Variants in RBFOX1 observed in about 807,000 individuals in gnomAD.
RBFOX1 encodes the protein RNA binding fox-1 homolog 1.
Under a neutral mutation model 57.7 loss-of-function variants are expected in RBFOX1, and 8 were observed. The observed-to-expected ratio is 0.14, with a 90% CI of 0.08 to 0.25. The LOEUF (loss-of-function observed/expected upper bound fraction) is 0.25, where lower values mean the gene tolerates loss of function less well. RBFOX1 is among the 10% of genes least tolerant of loss of function. The pLI is 1.00. For missense variants in RBFOX1, 611 were observed against 548.5 expected, an observed-to-expected ratio of 1.11 and a Z score of -1.14; for synonymous variants, 326 against 222.4, an observed-to-expected ratio of 1.47 and a Z score of -4.15.
intron 3 of RBFOX1, among the ~76,000 whole-genome samples, chr16:5,659,009 C>T (rs186482084): frequency 6.6e-6 from 1 of 151,734 alleles, no homozygotes; most frequent in Non-Finnish European, 1.5e-5. Context: ...TTTGCATAAC[C>T]TTGGTAGATA....
At chr16:5,726,932 G>C (rs886851753) in intron 3 of RBFOX1, among the ~76,000 whole-genome samples, 5 of 152,062 alleles carry the variant, frequency 3.3e-5, no homozygotes, top group Non-Finnish European at 7.4e-5. Context: ...GGCCATATGG[G>C]TGGGCACTCT....
chr16:6,957,868 C>T (rs2082195052), intron 3 of RBFOX1, among the ~76,000 whole-genome samples: 1 of 152,148 alleles, frequency 6.6e-6, no homozygotes, highest in African/African-American at 2.4e-5. Context: ...GTGACAGTTG[C>T]AGATTAGTCA....
At chr16:5,324,180 C>A (rs1480777478) in intron 1 of RBFOX1, among the ~76,000 whole-genome samples, 2 of 152,164 alleles carry the variant, frequency 1.3e-5, no homozygotes, top group African/African-American at 4.8e-5. Flanking sequence ...ATAGAGAATT[C>A]TGCTGGGTGC....
intron 2 of RBFOX1, among the ~76,000 whole-genome samples, chr16:6,524,842 G>C (rs2096556921): frequency 6.6e-6 from 1 of 152,098 alleles, no homozygotes; most frequent in African/African-American, 2.4e-5. Flanking sequence ...CTGTGTGTCT[G>C]AGTCTATGTG....
intron 1 of RBFOX1, among the ~76,000 whole-genome samples, chr16:6,302,055 C>T (rs901059284): frequency 6.6e-6 from 1 of 152,106 alleles, no homozygotes; most frequent in Admixed American, 6.6e-5. Flanking sequence ...CATGACAAGA[C>T]CGGAGATGCA....
chr16:6,563,112 C>G lies in RBFOX1; in HGVS notation c.-63-91491C>G, dbSNP rs183074977. Among the ~76,000 whole-genome samples the G allele has an allele frequency of 1.7e-3, 263 of 152,054 alleles. 1 individual carries two copies. The highest frequency in any genetic ancestry group is 5.9e-3 in the African/African-American group (244 of 41,480). On this transcript the variant is annotated intron_variant, in intron 2 of 15. Transcript: ENST00000550418. ...CTTCCAAGTGCTGTTTCCCCAGGCCCAAGTGCAATGCCTGGTGCAAAATGA... is the reference window on the plus strand; with the variant it reads ...CTTCCAAGTGCTGTTTCCCCAGGCCGAAGTGCAATGCCTGGTGCAAAATGA...
chr16:5,352,177 G>A (rs537541224), intron 1 of RBFOX1, among the ~76,000 whole-genome samples: 1 of 152,110 alleles, frequency 6.6e-6, no homozygotes, highest in South Asian at 2.1e-4. Flanking sequence ...TTTATTCAGC[G>A]GATGCTGCTT....
chr16:6,744,579 C>T (rs565446301), intron 3 of RBFOX1, among the ~76,000 whole-genome samples: 3 of 151,914 alleles, frequency 2.0e-5, no homozygotes, highest in Admixed American at 6.6e-5. Flanking sequence ...ATAAGCCACA[C>T]TTTAATAAAT....
chr16:6,365,026 C>G (rs1446396305), intron 2 of RBFOX1, among the ~76,000 whole-genome samples: 1 of 152,104 alleles, frequency 6.6e-6, no homozygotes, highest in Admixed American at 6.5e-5. Flanking sequence ...CTTGTAGCAT[C>G]TCACAGGGAG....
At chr16:7,315,799 T>G (rs976177665) in intron 4 of RBFOX1, among the ~76,000 whole-genome samples, 8 of 152,188 alleles carry the variant, frequency 5.3e-5, no homozygotes, top group Admixed American at 4.6e-4. Context: ...CTCTATTATT[T>G]GAATTCGTGA....
chr16:7,304,360 G>C (rs2096119248), intron 4 of RBFOX1: 4 of 985,348 alleles, frequency 4.1e-6, no homozygotes, highest in Non-Finnish European at 4.8e-6. Context: ...GTCCCCACTC[G>C]GGCTCGGCGG....
At chr16:5,723,893 C>G (rs887055539) in intron 3 of RBFOX1, among the ~76,000 whole-genome samples, 3 of 152,224 alleles carry the variant, frequency 2.0e-5, no homozygotes, top group Admixed American at 2.0e-4. Flanking sequence ...ACATGGGCAT[C>G]TCTTTAAAGA....
intron 3 of RBFOX1, among the ~76,000 whole-genome samples, chr16:6,814,747 C>G (rs548138537): frequency 2.0e-5 from 3 of 152,092 alleles, no homozygotes; most frequent in Non-Finnish European, 4.4e-5. Context: ...GTCTGGAACC[C>G]TGGGGGAGAG....
intron 2 of RBFOX1, among the ~76,000 whole-genome samples, chr16:6,395,458 C>G (rs954137457): frequency 6.6e-6 from 1 of 152,084 alleles, no homozygotes; most frequent in Non-Finnish European, 1.5e-5. Flanking sequence ...AACTTTCTAC[C>G]TTGTGACTAT....
At chr16:6,941,790 C>T (rs959832748) in intron 3 of RBFOX1, among the ~76,000 whole-genome samples, 2 of 152,152 alleles carry the variant, frequency 1.3e-5, no homozygotes, top group Non-Finnish European at 2.9e-5. Flanking sequence ...CTCATACTCA[C>T]CCTATTGGAG....
chr16:5,273,568 C>G (rs1417574814), intron 1 of RBFOX1, among the ~76,000 whole-genome samples: 1 of 151,946 alleles, frequency 6.6e-6, no homozygotes, highest in African/African-American at 2.4e-5. Context: ...AGGTTTGGAA[C>G]GACGGGAAGG....
At chr16:7,267,129 G>A (rs2095174218) in intron 4 of RBFOX1, among the ~76,000 whole-genome samples, 1 of 152,292 alleles carries the variant, frequency 6.6e-6, no homozygotes, top group Middle Eastern at 3.4e-3. Flanking sequence ...GCAATGGGGA[G>A]CTGGGCACAG....
At chr16:6,161,437 C>T (rs13330648) in intron 1 of RBFOX1, among the ~76,000 whole-genome samples, 7,571 of 151,114 alleles carry the variant, frequency 0.05, 682 homozygotes, top group African/African-American at 0.18. Flanking sequence ...AATTATCTTA[C>T]TCTCTCTCCA....
chr16:7,430,090 AT>A (rs1463413887), intron 4 of RBFOX1, among the ~76,000 whole-genome samples: 2 of 152,212 alleles, frequency 1.3e-5, no homozygotes, highest in Admixed American at 1.3e-4. Flanking sequence ...GAATGAATTG[AT>A]TTTTAAAAAC....
Sources: allele counts gnomAD v4.1 joint callset (sites outside exome capture counted in the v4.1 genomes callset), GRCh38; gene constraint gnomAD v4.1.1; transcripts MANE v1.5; gene names NCBI Gene and HGNC (gene_info 2026-07-23, HGNC 2026-07-21).